The following TDRD9 variants were observed in gnomAD, a reference collection of about 807,000 sequenced individuals.
The protein encoded by TDRD9 is tudor domain containing 9.
Under a neutral mutation model 172.6 loss-of-function variants are expected in TDRD9, and 124 were observed. The observed-to-expected ratio is 0.72, with a 90% confidence interval of 0.62 to 0.83. TDRD9 has a LOEUF of 0.83. Among genes scored for constraint, TDRD9 ranks in the 40% least tolerant of loss-of-function variants. The pLI is 0.00. For synonymous variants in TDRD9, 619 were observed against 617.1 expected (o/e 1.00, Z -0.05); for missense variants, 1,479 against 1,714.1 (o/e 0.86, Z 2.42).
intron 34 of TDRD9, among the ~76,000 whole-genome samples, chr14:104,045,075 G>A (rs1172976217): frequency 2.0e-5 from 3 of 151,998 alleles, no homozygotes; most frequent in Admixed American, 6.6e-5. Context: ...CCCAGGAGGC[G>A]GAGGTTGCAG....
At chr14:104,032,767 TGGC>T (rs1421514470) in intron 30 of TDRD9, among the ~76,000 whole-genome samples, 1 of 152,120 alleles carries the variant, frequency 6.6e-6, no homozygotes, top group Non-Finnish European at 1.5e-5. Context: ...TGGATGCAGT[TGGC>T]GGGTGGGGGG....
rs1267705469 is a variant in TDRD9 at position 104,016,094 on chromosome 14, T to C, written c.2331+6T>C. 3.3e-5 allele frequency: 53 copies of C among 1,588,070 alleles called. No individual in the cohort carries two copies. Among genetic ancestry groups the C allele is most frequent in the Non-Finnish European group, 4.4e-5 (51 of 1,165,668 alleles). ...ACCCCAAGACAACTGTCGTGGTAGG[T>C]GCTGGGGGCAGGCCGTCCTCTCTGG... On this transcript the variant is annotated splice_donor_region_variant and intron_variant, in intron 22 of 35. Coordinates refer to ENST00000409874, the MANE Select transcript of TDRD9 (RefSeq NM_153046.3).
chr14:104,021,178 A>G (rs2034942941), intron 23 of TDRD9, among the ~76,000 whole-genome samples: 1 of 152,152 alleles, frequency 6.6e-6, no homozygotes. Context: ...AGCGAAAGGA[A>G]GAGAGCAAAG....
chr14:103,999,643 A>ACATTTAATCTTTTAATCTTCCT (rs1566771643), intron 13 of TDRD9, among the ~76,000 whole-genome samples: 197 of 130,538 alleles, frequency 1.5e-3, no homozygotes, highest in African/African-American at 2.1e-3. Flanking sequence ...TGTTTTTTAG[A>ACATTTAATCTTTTAATCTTCCT]AAACCTTTTG....
At position 104,031,233 on chromosome 14, in the gene TDRD9, T is replaced by A; in HGVS notation, c.3408T>A (p.Ser1136=). Residue 1136 remains serine, a synonymous_variant, in exon 29 of 36, where the codon TCT becomes TCA. Transcript: ENST00000409874. The stretch of plus-strand genomic sequence containing the variant: ...TCCGGATTTTGTTAGAGAGCTTTTC[T>A]ACCAATAAACTGGGTACTCCAAACT... ...YLIRILLESF[S]TNKLGTPNCK... 1.3e-6 allele frequency: 2 copies of A among 1,551,908 alleles called. No individual in the cohort carries two copies. Among genetic ancestry groups the A allele is most frequent in the Non-Finnish European group, 8.7e-7 (1 of 1,146,968 alleles).
intron 1 of TDRD9, among the ~76,000 whole-genome samples, chr14:103,951,969 C>G (rs1377583917): frequency 6.6e-6 from 1 of 150,508 alleles, no homozygotes; most frequent in Non-Finnish European, 1.5e-5. Context: ...GGGGTTTCAC[C>G]TTATTAGCCA....
intron 31 of TDRD9, 35 bp downstream of exon 31, chr14:104,034,104 C>CT: frequency 1.5e-6 from 2 of 1,375,030 alleles, no homozygotes; most frequent in Non-Finnish European, 2.0e-6. Context: ...CTTGTCCTCT[C>CT]TTTTTTCTTT....
chr14:103,963,220 T>C, intron 3 of TDRD9, 44 bp downstream of exon 3: 1 of 1,341,970 alleles, frequency 7.5e-7, no homozygotes, highest in Non-Finnish European at 1.0e-6. Flanking sequence ...TTTGAATACA[T>C]GTCTGAGGCC....
intron 13 of TDRD9, among the ~76,000 whole-genome samples, chr14:104,000,814 A>C (rs1393432043): frequency 6.6e-6 from 1 of 152,100 alleles, no homozygotes; most frequent in African/African-American, 2.4e-5. Flanking sequence ...ATAAAAAGTG[A>C]CTAGAAATAA....
intron 14 of TDRD9, 170 bp from the exon 15 acceptor site, chr14:104,005,100 GTTCT>G (rs2034392524): frequency 4.0e-6 from 2 of 502,546 alleles, no homozygotes; most frequent in African/African-American, 2.0e-5. Context: ...TTTCTCTCCT[GTTCT>G]TTCTTCTTCT....
chr14:104,019,510 C>G (rs1188243263), intron 23 of TDRD9, among the ~76,000 whole-genome samples: 2 of 152,088 alleles, frequency 1.3e-5, no homozygotes, highest in Non-Finnish European at 2.9e-5. Context: ...CTCATATTTC[C>G]AGCTCTCAAG....
chr14:104,007,784 T>TC, intron 19 of TDRD9, among the ~76,000 whole-genome samples: 1 of 143,158 alleles, frequency 7.0e-6, no homozygotes, highest in East Asian at 2.0e-4. Context: ...GTTTAAAGTC[T>TC]TTTTTTTTTT....
intron 28 of TDRD9, among the ~76,000 whole-genome samples, chr14:104,029,975 T>G (rs2035233009): frequency 6.6e-6 from 1 of 152,178 alleles, no homozygotes; most frequent in Non-Finnish European, 1.5e-5. Flanking sequence ...GGTCTTTTAC[T>G]TCTGTTATTT....
chr14:103,963,036 GA>G, intron 2 of TDRD9, 42 bp from the exon 3 acceptor site: 1 of 1,176,290 alleles, frequency 8.5e-7, no homozygotes, highest in Non-Finnish European at 1.2e-6. Flanking sequence ...TCTTTTTCCA[GA>G]TAAGAAATGG....
At chr14:104,032,114 A>AT (rs759498183) in intron 30 of TDRD9, 27 bp downstream of exon 30, 33 of 1,457,244 alleles carry the variant, frequency 2.3e-5, no homozygotes, top group East Asian at 1.2e-4. Context: ...TTTTCCATGA[A>AT]TTTTTTTTCT....
chr14:104,022,421 C>T, intron 24 of TDRD9, 91 bp downstream of exon 24: 1 of 1,358,876 alleles, frequency 7.4e-7, no homozygotes, highest in African/African-American at 1.4e-5. Flanking sequence ...GGCATTGCTT[C>T]AGATCATGGT....
intron 13 of TDRD9, among the ~76,000 whole-genome samples, chr14:104,000,034 T>C (rs985494957): frequency 1.3e-5 from 2 of 152,062 alleles, no homozygotes; most frequent in Non-Finnish European, 2.9e-5. Flanking sequence ...GCTGTTAAAA[T>C]AGGGTCACAG....
chr14:103,957,480 C>T (rs1482511510), intron 2 of TDRD9, among the ~76,000 whole-genome samples: 3 of 152,232 alleles, frequency 2.0e-5, no homozygotes, highest in Non-Finnish European at 2.9e-5. Context: ...CCAATTTCTA[C>T]TTATGCTAAG....
At chr14:103,947,488 C>A (rs137939874) in intron 1 of TDRD9, among the ~76,000 whole-genome samples, 2,458 of 151,948 alleles carry the variant, frequency 0.016, 67 homozygotes, top group African/African-American at 0.057. Context: ...CCACCACGCC[C>A]GGCTAATTTT....
Sources: gnomAD v4.1 joint callset for allele counts (sites outside exome capture counted in the v4.1 genomes callset) on GRCh38, gnomAD v4.1.1 for gene constraint, MANE v1.5 for transcripts, NCBI Gene and HGNC (gene_info 2026-07-23, HGNC 2026-07-21) for gene names.